The following AFAP1L2 variants were observed in gnomAD, a reference collection of about 807,000 sequenced individuals.
AFAP1L2 encodes actin filament associated protein 1 like 2.
A neutral mutation model predicts 99.3 loss-of-function variants in AFAP1L2; 46 were observed. That is an observed-to-expected ratio of 0.46 (90% confidence interval 0.37 to 0.59). AFAP1L2 has a LOEUF of 0.59. Ranked by LOEUF, AFAP1L2 falls within the 20% of genes least tolerant of loss-of-function variation. The pLI is 0.00. For missense variants in AFAP1L2, 959 were observed against 1,034.9 expected (o/e 0.93, Z 1.01); for synonymous variants, 397 against 419.1 (o/e 0.95, Z 0.64).
At chr10:114,398,884 CCAGACAGCAA>C in intron 1 of AFAP1L2, 2 of 1,304,346 alleles carry the variant, frequency 1.5e-6, no homozygotes, top group South Asian at 2.5e-5. Flanking sequence ...CTCTGTACCA[CCAGACAGCAA>C]CACCCCTGTG....
rs2040309918 is a variant in AFAP1L2 at position 114,296,853 on chromosome 10, T to C, written c.2430+125A>G. The C allele has an allele frequency of 1.2e-5, 18 of 1,514,040 alleles. No individual in the cohort carries two copies. The East Asian group carries it at 4.1e-4, about 35-fold the overall frequency. The allele number at this position is 1,514,040 out of a possible 1,614,324, so 93.8% of individuals were successfully genotyped here. A position where few individuals can be genotyped will look rare whatever the true frequency, so the allele number is the denominator to read the frequency against. Reference sequence around the variant, plus strand: ...TGGCAAAGCCATGGCCACTCCTTGGTGAGTGCCGAGCCCTTGCTCAGAGCT... The same window carrying C: ...TGGCAAAGCCATGGCCACTCCTTGGCGAGTGCCGAGCCCTTGCTCAGAGCT... On this transcript the variant is annotated intron_variant, in intron 18 of 18. Coordinates refer to ENST00000304129, the MANE Select transcript of AFAP1L2 (RefSeq NM_001001936.3).
At chr10:114,384,173 A>C (rs1464021377) in intron 1 of AFAP1L2, among the ~76,000 whole-genome samples, 1 of 152,208 alleles carries the variant, frequency 6.6e-6, no homozygotes, top group Non-Finnish European at 1.5e-5. Context: ...TCCAGAAGGC[A>C]GTGCGTGAGA....
chr10:114,290,069 TG>T, downstream of AFAP1L2: 1 of 718,542 alleles, frequency 1.4e-6, no homozygotes, highest in Non-Finnish European at 2.2e-6. Flanking sequence ...GTAGGAGAGC[TG>T]GGTCTTACTA....
rs1429759185 is a variant in AFAP1L2 at position 114,301,640 on chromosome 10, G to C, written c.1431-175C>G. 3 of 581,686 alleles carry C rather than the reference G, an allele frequency of 5.2e-6. No individual in the cohort carries two copies. The African/African-American group carries it at 5.6e-5, about 11-fold the overall frequency. 36.0% of individuals were successfully genotyped at this position (581,686 alleles called of 1,614,324 possible). On this transcript the variant is annotated intron_variant, in intron 12 of 18. Coordinates refer to ENST00000304129, the MANE Select transcript of AFAP1L2 (RefSeq NM_001001936.3). ...AGGGCACCTCCTCCCTCTTTTCCCA[G>C]TGCCTTCTTCCTGAAATTCTTGGTT...
At chr10:114,290,500 A>G (rs2039473905), downstream of AFAP1L2, 2 of 1,275,318 alleles carry the variant, frequency 1.6e-6, no homozygotes, top group African/African-American at 3.0e-5. Context: ...TTTACCCACG[A>G]AACATTTAGT....
intron 5 of AFAP1L2, among the ~76,000 whole-genome samples, chr10:114,320,853 C>T (rs961774141): frequency 6.6e-5 from 10 of 152,224 alleles, no homozygotes; most frequent in African/African-American, 2.4e-4. Flanking sequence ...ACTGTTTCCA[C>T]CTTCAACGCG....
At chr10:114,350,633 C>T (rs1036395066) in intron 1 of AFAP1L2, among the ~76,000 whole-genome samples, 1 of 152,168 alleles carries the variant, frequency 6.6e-6, no homozygotes, top group Non-Finnish European at 1.5e-5. Flanking sequence ...GTCTCTAAAA[C>T]GAGCCACCAG....
chr10:114,336,050 T>C (rs1212504365), intron 2 of AFAP1L2, among the ~76,000 whole-genome samples: 1 of 152,246 alleles, frequency 6.6e-6, no homozygotes, highest in African/African-American at 2.4e-5. Flanking sequence ...TCTGAGCAGG[T>C]GTTTTCTCTC....
At chr10:114,317,696 A>G (rs1346469215) in intron 5 of AFAP1L2, among the ~76,000 whole-genome samples, 3 of 152,166 alleles carry the variant, frequency 2.0e-5, no homozygotes, top group Non-Finnish European at 4.4e-5. Flanking sequence ...CCATCTCTAA[A>G]AAAAATACAA....
chr10:114,351,834 C>G (rs576680343), intron 1 of AFAP1L2, among the ~76,000 whole-genome samples: 7 of 152,258 alleles, frequency 4.6e-5, no homozygotes, highest in South Asian at 2.1e-4. Flanking sequence ...CCACCTCCGC[C>G]CTTCCCACAG....
At position 114,300,291 on chromosome 10, in the gene AFAP1L2, C is replaced by G. The variant is rs1250537820; in HGVS notation, c.1860G>C (p.Gln620His). The change falls in exon 15 of 19, where the codon CAG becomes CAC. Residue 620 changes from glutamine (Q) to histidine (H), a missense_variant. This residue lies in a region of AFAP1L2 where 576 missense variants were observed against 562.1 expected (regional missense o/e 1.02). Coordinates refer to ENST00000304129, the MANE Select transcript of AFAP1L2 (RefSeq NM_001001936.3). ...GGCAGCTCGGTGGGAAGGAGATTCT[C>G]TGCTGTTCCGTCTGGATTTTGACGG... ...ITTVKIQTEQ[Q>H]RISFPPSCPD... 1 of 1,614,150 alleles carries G rather than the reference C, an allele frequency of 6.2e-7. No homozygotes were observed. Among genetic ancestry groups the G allele is most frequent in the Admixed American group, 1.7e-5 (1 of 60,018 alleles).
chr10:114,295,628 G>T lies in AFAP1L2; in HGVS notation c.*414C>A. 1 of 999,100 alleles carries T rather than the reference G, an allele frequency of 1.0e-6. No homozygotes were observed. Among genetic ancestry groups the T allele is most frequent in the Non-Finnish European group, 1.2e-6 (1 of 838,716 alleles). The allele number at this position is 999,100 out of a possible 1,614,324, so 61.9% of individuals were successfully genotyped here. A position where few individuals can be genotyped will look rare whatever the true frequency, so the allele number is the denominator to read the frequency against. On this transcript the variant is annotated 3_prime_UTR_variant, in exon 19 of 19. Transcript: ENST00000304129. ...GTATTGGATAAGAGATGATGGCCAG[G>T]AGTTTAGGTCTTCTCACTCACCAAA...
intron 4 of AFAP1L2, among the ~76,000 whole-genome samples, chr10:114,328,295 G>A (rs983983795): frequency 7.9e-5 from 12 of 152,180 alleles, no homozygotes; most frequent in African/African-American, 7.2e-5. Context: ...GCCTGTGACC[G>A]AGGCATGATC....
chr10:114,340,849 G>T (rs1413501460), intron 1 of AFAP1L2, 118 bp from the exon 2 acceptor site: 2 of 1,475,444 alleles, frequency 1.4e-6, no homozygotes, highest in Non-Finnish European at 1.9e-6. Flanking sequence ...AAGAGGAAGG[G>T]TTTGGTGTGA....
At chr10:114,378,197 G>T (rs551873391) in intron 1 of AFAP1L2, among the ~76,000 whole-genome samples, 10 of 152,274 alleles carry the variant, frequency 6.6e-5, no homozygotes, top group African/African-American at 2.2e-4. Flanking sequence ...ATTCTTTTCC[G>T]CTTCAATGCT....
intron 1 of AFAP1L2, chr10:114,340,965 G>A (rs2048738486): frequency 1.7e-6 from 1 of 574,702 alleles, no homozygotes; most frequent in South Asian, 2.1e-5. Flanking sequence ...AGCCTCCGCT[G>A]AAGTCCCAGC....
At chr10:114,378,559 C>T (rs948070338) in intron 1 of AFAP1L2, among the ~76,000 whole-genome samples, 7 of 152,200 alleles carry the variant, frequency 4.6e-5, no homozygotes, top group African/African-American at 1.7e-4. Context: ...AGAAATGGTC[C>T]GTCTCCCTCA....
chr10:114,331,758 A>AG, intron 4 of AFAP1L2, 45 bp downstream of exon 4: 1 of 1,278,044 alleles, frequency 7.8e-7, no homozygotes. Context: ...TGGAAGTTCA[A>AG]GGGGCTCACG....
chr10:114,304,947 A>T lies in AFAP1L2; in HGVS notation c.1073-17T>A, dbSNP rs1160398651. On this transcript the variant is annotated splice_polypyrimidine_tract_variant and intron_variant, in intron 10 of 18. Coordinates refer to ENST00000304129, the MANE Select transcript of AFAP1L2 (RefSeq NM_001001936.3). ...TCAGGTAACCTGCAGGAGGAAGTGC[A>T]GATGCAGGAGGGGACAGGGCTGCAG... 6.8e-7 allele frequency: 1 copy of T among 1,460,814 alleles called. No homozygotes were observed. Among genetic ancestry groups the T allele is most frequent in the East Asian group, 3.1e-5 (1 of 32,278 alleles). 90.5% of individuals were successfully genotyped at this position (1,460,814 alleles called of 1,614,324 possible).
Sources: gnomAD v4.1 joint callset for allele counts (sites outside exome capture counted in the v4.1 genomes callset) on GRCh38, gnomAD v4.1.1 for gene constraint, gnomAD v4.1.1 regional missense constraint, MANE v1.5 for transcripts, NCBI Gene and HGNC (gene_info 2026-07-23, HGNC 2026-07-21) for gene names.